Variants in PLEKHG1 observed in about 807,000 individuals in gnomAD.
The protein encoded by PLEKHG1 is pleckstrin homology and RhoGEF domain containing G1.
Under a neutral mutation model 100.8 loss-of-function variants are expected in PLEKHG1, and 44 were observed. That is an observed-to-expected ratio of 0.44 (90% CI 0.34 to 0.56). PLEKHG1 has a LOEUF of 0.56. Among genes scored for constraint, PLEKHG1 ranks in the 20% least tolerant of loss-of-function variants. The probability of loss-of-function intolerance (pLI) is 0.01; values close to 1 mark genes in which losing one functional copy is unlikely to be tolerated. For synonymous variants in PLEKHG1, 640 were observed against 662.5 expected (o/e 0.97, Z 0.52); for missense variants, 1,545 against 1,720.9 (o/e 0.90, Z 1.81).
In PLEKHG1 at chr6:150,794,303, GAATA is replaced by G. The variant is rs377225754; in HGVS notation, c.583-1552_583-1549del. 1.4e-4 allele frequency among the ~76,000 whole-genome samples: 21 copies of G among 152,228 alleles called. No homozygotes were observed. In the East Asian group the frequency reaches 3.9e-3, roughly 28 times the overall value. On this transcript the variant is annotated intron_variant, in intron 4 of 15. Transcript: ENST00000358517. ...TTTTAAAAAGAAAAAAAGGAAATAT[GAATA>G]GTGACTGGTGAAACTTCATGATGTT...
intron 2 of PLEKHG1, among the ~76,000 whole-genome samples, chr6:150,745,161 T>C (rs1020641637): frequency 6.6e-6 from 1 of 152,222 alleles, no homozygotes; most frequent in Non-Finnish European, 1.5e-5. Context: ...CTAGGCTATA[T>C]GGTATAACCC....
chr6:150,836,543 G>A (rs529706171), intron 15 of PLEKHG1, among the ~76,000 whole-genome samples: 109 of 152,222 alleles, frequency 7.2e-4, no homozygotes, highest in African/African-American at 2.5e-3. Context: ...GAGGCCAGGC[G>A]AGGTGGCTCA....
intron 1 of PLEKHG1, among the ~76,000 whole-genome samples, chr6:150,629,783 A>G (rs952871469): frequency 6.6e-6 from 1 of 152,190 alleles, no homozygotes; most frequent in Non-Finnish European, 1.5e-5. Context: ...TTAAAAATCT[A>G]TACTTCATAG....
rs1241527156 is a variant in PLEKHG1, at chr6:150,612,058, CCCT to C, written c.-204+12042_-204+12044del. Among the ~76,000 whole-genome samples, 479 of 101,810 alleles carry C rather than the reference CCCT, an allele frequency of 4.7e-3. 7 individuals are homozygous for C. Among genetic ancestry groups the C allele is most frequent in the African/African-American group, 0.015 (462 of 29,832 alleles). 66.8% of individuals were successfully genotyped at this position (101,810 alleles called of 152,430 possible). On this transcript the variant is annotated intron_variant, in intron 1 of 3. Transcript: ENST00000367326. Reference sequence around the variant, plus strand: ...TCCTGGTGTTGTTCCCCCCCCCCCCCCCTTTTCTAGTTCTTAGTTAATAGCACC... The same window carrying C: ...TCCTGGTGTTGTTCCCCCCCCCCCCCTTTCTAGTTCTTAGTTAATAGCACC...
intron 3 of PLEKHG1, among the ~76,000 whole-genome samples, chr6:150,658,618 C>T (rs758855592): frequency 2.6e-5 from 4 of 152,138 alleles, no homozygotes; most frequent in Admixed American, 2.6e-4. Flanking sequence ...TGAGGACTTC[C>T]AGTCACCTCT....
intron 1 of PLEKHG1, among the ~76,000 whole-genome samples, chr6:150,630,634 A>G (rs927619773): frequency 6.6e-6 from 1 of 152,214 alleles, no homozygotes; most frequent in African/African-American, 2.4e-5. Flanking sequence ...ATGCATCTCA[A>G]CTTTAAGTGG....
At chr6:150,689,596 C>G (rs1780266527) in intron 3 of PLEKHG1, among the ~76,000 whole-genome samples, 1 of 152,176 alleles carries the variant, frequency 6.6e-6, no homozygotes, top group African/African-American at 2.4e-5. Flanking sequence ...GGCATGGTGG[C>G]TCATGCCTGT....
chr6:150,630,859 C>T (rs958997669), intron 1 of PLEKHG1, among the ~76,000 whole-genome samples: 1 of 152,100 alleles, frequency 6.6e-6, no homozygotes, highest in African/African-American at 2.4e-5. Context: ...AAGGAGCTGC[C>T]AGCAAGGAAG....
exon 13 of PLEKHG1, chr6:150,821,200 T>C (rs762803251): frequency 6.2e-7 from 1 of 1,613,274 alleles, no homozygotes; most frequent in Non-Finnish European, 8.5e-7. Flanking sequence ...CCCAGAACCT[T>C]CCTCACGGTC....
At chr6:150,610,736 G>C (rs1776793182) in intron 1 of PLEKHG1, among the ~76,000 whole-genome samples, 1 of 152,170 alleles carries the variant, frequency 6.6e-6, no homozygotes, top group African/African-American at 2.4e-5. Flanking sequence ...GTTTTTGTTT[G>C]AATGATTTTC....
At chr6:150,626,286 T>C (rs948258706) in intron 1 of PLEKHG1, among the ~76,000 whole-genome samples, 1 of 152,134 alleles carries the variant, frequency 6.6e-6, no homozygotes, top group South Asian at 2.1e-4. Context: ...GCACTGTAGA[T>C]TTGCCTAAAG....
intron 3 of PLEKHG1, chr6:150,662,892 A>C (rs1779250906): frequency 6.6e-6 from 1 of 152,174 alleles, no homozygotes; most frequent in Non-Finnish European, 1.5e-5. Context: ...AAAAATTTGA[A>C]AGCTTTTTAT....
Position 150,733,459 on chromosome 6 carries a change from T to A in PLEKHG1, c.-98-125T>A, listed in dbSNP as rs927566342. ...TCACTCCACCACAGGTACCTTTGCA[T>A]CCCTTCTGTAATTGGCCACCTTGTT... On this transcript the variant is annotated intron_variant, in intron 1 of 15. Coordinates refer to ENST00000358517, the Ensembl canonical transcript of PLEKHG1. 8 of 746,732 alleles carry A rather than the reference T, an allele frequency of 1.1e-5. No homozygotes were observed. In the African/African-American group the frequency reaches 1.4e-4, roughly 13 times the overall value. The allele number at this position is 746,732 out of a possible 1,614,324, so 46.3% of individuals were successfully genotyped here.
chr6:150,683,369 A>G lies in PLEKHG1; in HGVS notation c.-99+32583A>G, dbSNP rs1041856009. Among the ~76,000 whole-genome samples, 2 of 151,562 alleles carry G rather than the reference A, an allele frequency of 1.3e-5. No individual in the cohort carries two copies. The highest frequency in any genetic ancestry group is 4.8e-5 in the African/African-American group (2 of 41,256). ...TCAGTGAGTCCCTTTTCTTGAGAGG[A>G]GAGGGGGTGTATATTACAATAAGAC... On this transcript the variant is annotated intron_variant, in intron 3 of 3. Transcript: ENST00000367326. The surrounding 1 kb of genome is among the most constrained non-coding windows in gnomAD (Gnocchi z 4.0).
chr6:150,637,471 TA>T (rs1778053340), intron 1 of PLEKHG1, among the ~76,000 whole-genome samples: 2 of 152,264 alleles, frequency 1.3e-5, no homozygotes, highest in South Asian at 2.1e-4. Flanking sequence ...TCCCTTTGAG[TA>T]ACTTTTGATG....
intron 1 of PLEKHG1, among the ~76,000 whole-genome samples, chr6:150,608,728 A>G (rs982058067): frequency 6.6e-6 from 1 of 152,244 alleles, no homozygotes; most frequent in South Asian, 2.1e-4. Context: ...TATGAAAAAA[A>G]CTGTGTGCAT....
chr6:150,703,633 C>G (rs1404816132), intron 3 of PLEKHG1, among the ~76,000 whole-genome samples: 2 of 150,540 alleles, frequency 1.3e-5, no homozygotes, highest in African/African-American at 2.5e-5. Flanking sequence ...CTTTTTTCTA[C>G]TTGAAGAGCT....
intron 3 of PLEKHG1, among the ~76,000 whole-genome samples, chr6:150,710,221 T>C (rs550537398): frequency 6.6e-6 from 1 of 152,346 alleles, no homozygotes; most frequent in South Asian, 2.1e-4. Context: ...TGTATCCAGC[T>C]GATCCTGGGA....
At chr6:150,643,455 T>A (rs920342067) in intron 2 of PLEKHG1, among the ~76,000 whole-genome samples, 2 of 152,200 alleles carry the variant, frequency 1.3e-5, no homozygotes, top group Non-Finnish European at 2.9e-5. Flanking sequence ...AACTGGAAAC[T>A]GAACTCATCT....
Sources: gnomAD v4.1 joint callset for allele counts (sites outside exome capture counted in the v4.1 genomes callset) on GRCh38, gnomAD v4.1.1 for gene constraint, Gnocchi (gnomAD v3.1) non-coding constraint, MANE v1.5 for transcripts, NCBI Gene and HGNC (gene_info 2026-07-23, HGNC 2026-07-21) for gene names.